EYA1: variants seen among roughly 807,000 people sequenced by gnomAD.
EYA1 encodes the protein EYA transcriptional coactivator and phosphatase 1.
In EYA1, 16 loss-of-function variants were observed where a neutral mutation model predicts 82.0. That is an observed-to-expected ratio of 0.20 (90% CI 0.13 to 0.30). The LOEUF (loss-of-function observed/expected upper bound fraction) is 0.30. EYA1 is among the 10% of genes least tolerant of loss of function. The pLI, the probability that EYA1 is intolerant of heterozygous loss-of-function variation, is 1.00. For synonymous variants in EYA1, 261 were observed against 264.4 expected, an observed-to-expected ratio of 0.99 and a Z score of 0.12; for missense variants, 633 against 730.7, an observed-to-expected ratio of 0.87 and a Z score of 1.54.
chr8:71,225,118 C>T (rs188201638), intron 12 of EYA1: 3 of 347,564 alleles, frequency 8.6e-6, no homozygotes, highest in African/African-American at 4.3e-5. Flanking sequence ...AAAGAGGAGA[C>T]TGCCCAACTG....
chr8:71,243,650 G>A (rs1006485460), intron 12 of EYA1, among the ~76,000 whole-genome samples: 2 of 152,176 alleles, frequency 1.3e-5, no homozygotes, highest in Non-Finnish European at 2.9e-5. Flanking sequence ...CCGCATTTAA[G>A]TTCTGTCACA....
intron 12 of EYA1, among the ~76,000 whole-genome samples, chr8:71,234,784 T>C (rs900047051): frequency 6.6e-6 from 1 of 152,102 alleles, no homozygotes; most frequent in African/African-American, 2.4e-5. Flanking sequence ...ACCTTCAAAT[T>C]TGCCTCTCTC....
At chr8:71,372,213 A>T (rs1828124632) in intron 2 of EYA1, among the ~76,000 whole-genome samples, 1 of 152,102 alleles carries the variant, frequency 6.6e-6, no homozygotes, top group Non-Finnish European at 1.5e-5. Flanking sequence ...AAAACAGCCC[A>T]CATACAAAGC....
intron 2 of EYA1, among the ~76,000 whole-genome samples, chr8:71,457,919 T>C (rs1808076747): frequency 6.6e-6 from 1 of 152,178 alleles, no homozygotes. Flanking sequence ...AAGGCTACTT[T>C]ATGTTAAGTT....
intron 2 of EYA1, among the ~76,000 whole-genome samples, chr8:71,407,822 C>T (rs937486633): frequency 6.7e-6 from 1 of 148,596 alleles, no homozygotes; most frequent in Non-Finnish European, 1.5e-5. Context: ...AGGAGAACTT[C>T]CCCAATCTAG....
upstream of EYA1, among the ~76,000 whole-genome samples, chr8:71,362,589 A>G (rs1350255712): frequency 6.6e-6 from 1 of 152,238 alleles, no homozygotes; most frequent in East Asian, 1.9e-4. Context: ...GTAGAAAATG[A>G]AAAAGCAAAC....
At chr8:71,216,574 G>A (rs1158812835) in intron 14 of EYA1, 118 bp downstream of exon 14, 2 of 1,100,238 alleles carry the variant, frequency 1.8e-6, no homozygotes, top group Non-Finnish European at 2.8e-6. Context: ...CCAGTGAGAT[G>A]AAACTGCCCA....
At chr8:71,544,535 T>G (rs1475343339) in intron 1 of EYA1, among the ~76,000 whole-genome samples, 3 of 152,178 alleles carry the variant, frequency 2.0e-5, no homozygotes, top group Admixed American at 1.3e-4. Context: ...AAAGCCCTCT[T>G]CTCTAAGGTC....
At chr8:71,446,588 A>C (rs1245442144) in intron 2 of EYA1, among the ~76,000 whole-genome samples, 1 of 152,200 alleles carries the variant, frequency 6.6e-6, no homozygotes, top group East Asian at 1.9e-4. Context: ...TGATGATAAA[A>C]ATTTTGCTTT....
At chr8:71,309,854 C>G (rs1821138315) in intron 7 of EYA1, among the ~76,000 whole-genome samples, 1 of 152,148 alleles carries the variant, frequency 6.6e-6, no homozygotes, top group African/African-American at 2.4e-5. Context: ...TATTGTCTTT[C>G]CTTACTAGTT....
chr8:71,512,707 A>C (rs1812691497), intron 2 of EYA1, among the ~76,000 whole-genome samples: 1 of 152,122 alleles, frequency 6.6e-6, no homozygotes, highest in African/African-American at 2.4e-5. Flanking sequence ...CAAGTAAATG[A>C]AACAGACCAA....
chr8:71,327,649 C>A (rs12675580), intron 4 of EYA1, among the ~76,000 whole-genome samples: 9,131 of 152,144 alleles, frequency 0.06, 751 homozygotes, highest in East Asian at 0.42. Flanking sequence ...CTTTCTTTCA[C>A]TCTCCCCACG....
At chr8:71,498,013 T>C (rs1328755117) in intron 2 of EYA1, among the ~76,000 whole-genome samples, 1 of 150,966 alleles carries the variant, frequency 6.6e-6, no homozygotes, top group African/African-American at 2.4e-5. Flanking sequence ...CTTCTAGAAG[T>C]GAAGAGTAGA....
upstream of EYA1, among the ~76,000 whole-genome samples, chr8:71,364,831 G>A (rs1161638439): frequency 6.6e-6 from 1 of 150,860 alleles, no homozygotes; most frequent in Non-Finnish European, 1.5e-5. Flanking sequence ...ATGTGACAGA[G>A]CCAGCTGTTG....
rs540469863 is a variant in EYA1, at chr8:71,260,539, T to C, written c.1050+9201A>G. On this transcript the variant is annotated intron_variant, in intron 11 of 17. Transcript: ENST00000340726. The stretch of plus-strand genomic sequence containing the variant: ...CTATTCTACTTTGAATCACAAAGAA[T>C]ATATTATCTTTAAAAAAGTGCTATT... Among the ~76,000 whole-genome samples the C allele has an allele frequency of 4.6e-5, 7 of 152,336 alleles. No individual in the cohort carries two copies. The South Asian group carries it at 1.0e-3, about 23-fold the overall frequency.
intron 2 of EYA1, among the ~76,000 whole-genome samples, chr8:71,407,964 G>T (rs1212768964): frequency 1.3e-5 from 2 of 151,130 alleles, no homozygotes; most frequent in Admixed American, 1.3e-4. Context: ...GTTAAGGGCA[G>T]CCAGAGAGAA....
Position 71,462,098 on chromosome 8 carries a change from C to A in EYA1, c.33+73646G>T, listed in dbSNP as rs551936675. On this transcript the variant is annotated intron_variant, in intron 2 of 18. Coordinates refer to the EYA1 transcript ENST00000643681. ...GGAAGCCTAGCCCTCAGCCTTCAGG[C>A]CCTCCCTGGCCTGAAGGTGGGGCCT... is the stretch of plus-strand genomic sequence containing the variant. 1.6e-4 allele frequency among the ~76,000 whole-genome samples: 24 copies of A among 152,140 alleles called. No individual in the cohort carries two copies. In the East Asian group the frequency reaches 3.9e-3, roughly 25 times the overall value.
At chr8:71,224,136 A>C (rs1810283503) in intron 12 of EYA1, among the ~76,000 whole-genome samples, 2 of 152,232 alleles carry the variant, frequency 1.3e-5, no homozygotes, top group African/African-American at 2.4e-5. Flanking sequence ...CTCTAGGAAG[A>C]CTGTGAGGCA....
At chr8:71,430,083 A>G (rs1158794526) in intron 2 of EYA1, among the ~76,000 whole-genome samples, 1 of 152,208 alleles carries the variant, frequency 6.6e-6, no homozygotes, top group South Asian at 2.1e-4. Flanking sequence ...CCACTGTATA[A>G]ATTTGAAAGA....
Sources: gnomAD v4.1 joint callset for allele counts (sites outside exome capture counted in the v4.1 genomes callset) on GRCh38, gnomAD v4.1.1 for gene constraint, MANE v1.5 for transcripts, NCBI Gene and HGNC (gene_info 2026-07-23, HGNC 2026-07-21) for gene names.